CDH12: variants seen among roughly 807,000 people sequenced by gnomAD.
The protein encoded by CDH12 is cadherin 12.
In CDH12, 41 loss-of-function variants were observed where a neutral mutation model predicts 74.1. The observed-to-expected ratio is 0.55, with a 90% CI of 0.43 to 0.72. The LOEUF (loss-of-function observed/expected upper bound fraction) is 0.72, where lower values mean the gene tolerates loss of function less well. Ranked by LOEUF, CDH12 falls within the 30% of genes least tolerant of loss-of-function variation. CDH12 has a pLI of 0.00. For missense variants in CDH12, 945 were observed against 977.2 expected (o/e 0.97, Z 0.44); for synonymous variants, 399 against 355.0 (o/e 1.12, Z -1.39).
At chr5:22,509,260 C>A (rs1736508824) in intron 1 of CDH12, among the ~76,000 whole-genome samples, 1 of 152,140 alleles carries the variant, frequency 6.6e-6, no homozygotes, top group Non-Finnish European at 1.5e-5. Context: ...TACTGATAAC[C>A]TGCAATTATG....
intron 1 of CDH12, among the ~76,000 whole-genome samples, chr5:22,520,698 T>C (rs1737016781): frequency 6.6e-6 from 1 of 152,176 alleles, no homozygotes; most frequent in African/African-American, 2.4e-5. Context: ...AAAGTATCAC[T>C]CTTCAGTGAT....
intron 5 of CDH12, among the ~76,000 whole-genome samples, chr5:22,039,269 T>C (rs911748846): frequency 2.0e-5 from 3 of 152,010 alleles, no homozygotes; most frequent in Non-Finnish European, 4.4e-5. Flanking sequence ...GAGTACCTCT[T>C]CTTCTCCAGA....
intron 2 of CDH12, among the ~76,000 whole-genome samples, chr5:22,432,037 T>C (rs1184314695): frequency 1.3e-5 from 2 of 152,156 alleles, no homozygotes; most frequent in African/African-American, 2.4e-5. Context: ...GCGTTCAAAC[T>C]CATGGTGAGT....
chr5:22,462,630 T>G (rs1175400664), intron 2 of CDH12, among the ~76,000 whole-genome samples: 1 of 151,592 alleles, frequency 6.6e-6, no homozygotes, highest in African/African-American at 2.4e-5. Context: ...GACAGTAACA[T>G]GAAAATTGAA....
At chr5:22,380,640 A>G (rs1741721900) in intron 3 of CDH12, among the ~76,000 whole-genome samples, 1 of 152,124 alleles carries the variant, frequency 6.6e-6, no homozygotes, top group Non-Finnish European at 1.5e-5. Context: ...GTTTATTACA[A>G]TTACTAAATC....
chr5:22,415,835 A>G (rs1743359756), intron 2 of CDH12, among the ~76,000 whole-genome samples: 1 of 152,134 alleles, frequency 6.6e-6, no homozygotes, highest in Non-Finnish European at 1.5e-5. Context: ...ATTCAGGATC[A>G]GGTTTTGGTT....
chr5:22,487,971 G>A (rs1159777104), intron 2 of CDH12, among the ~76,000 whole-genome samples: 1 of 152,066 alleles, frequency 6.6e-6, no homozygotes, highest in African/African-American at 2.4e-5. Flanking sequence ...AATGTCAATT[G>A]GTTTTAACAA....
At chr5:21,901,962 C>G (rs1411041801) in intron 6 of CDH12, among the ~76,000 whole-genome samples, 1 of 152,108 alleles carries the variant, frequency 6.6e-6, no homozygotes, top group Non-Finnish European at 1.5e-5. Context: ...GTTCTGCTAG[C>G]CACTGTACGT....
At chr5:22,509,109 T>C (rs1736504175) in intron 1 of CDH12, among the ~76,000 whole-genome samples, 1 of 152,196 alleles carries the variant, frequency 6.6e-6, no homozygotes, top group African/African-American at 2.4e-5. Context: ...AGCAGAAATA[T>C]ATACACACAA....
At chr5:22,702,531 C>T (rs1044864699) in intron 1 of CDH12, among the ~76,000 whole-genome samples, 1 of 152,038 alleles carries the variant, frequency 6.6e-6, no homozygotes, top group African/African-American at 2.4e-5. Flanking sequence ...ATCTCTTCCT[C>T]TCTCTTCCCC....
rs139461263 is a variant in CDH12, at chr5:22,047,644, G to A, written c.231+30802C>T. 4.0e-3 allele frequency among the ~76,000 whole-genome samples: 607 copies of A among 152,096 alleles called. 8 individuals are homozygous for A. The highest frequency in any genetic ancestry group is 0.014 in the Middle Eastern group (4 of 294). On this transcript the variant is annotated intron_variant, in intron 5 of 14. Coordinates refer to ENST00000382254, the MANE Select transcript of CDH12 (RefSeq NM_004061.5). ...GAATTCCTAACACATGAAGGTGCTGGCATCTACTTCCAGTTTTTACCTACC... is the reference window on the plus strand; with the variant it reads ...GAATTCCTAACACATGAAGGTGCTGACATCTACTTCCAGTTTTTACCTACC...
chr5:22,832,619 T>A (rs1382500413), intron 1 of CDH12, among the ~76,000 whole-genome samples: 2 of 152,086 alleles, frequency 1.3e-5, no homozygotes, highest in Admixed American at 1.3e-4. Flanking sequence ...AAGAAGTATT[T>A]TAAAAGTTTA....
chr5:21,964,948 C>T (rs1157964658), intron 6 of CDH12, among the ~76,000 whole-genome samples: 2 of 151,768 alleles, frequency 1.3e-5, no homozygotes, highest in African/African-American at 4.8e-5. Context: ...TTAAAATATC[C>T]ATTCTGACTA....
chr5:22,587,309 T>C (rs1181798615), intron 1 of CDH12, among the ~76,000 whole-genome samples: 3 of 152,104 alleles, frequency 2.0e-5, no homozygotes, highest in Non-Finnish European at 4.4e-5. Flanking sequence ...CTAGATCCAG[T>C]CACCTCGACC....
chr5:21,867,520 G>T (rs1355267092), intron 6 of CDH12, among the ~76,000 whole-genome samples: 1 of 152,214 alleles, frequency 6.6e-6, no homozygotes, highest in Non-Finnish European at 1.5e-5. Context: ...TGACCTGGAT[G>T]TGAGACATGT....
At chr5:22,627,862 C>A (rs1189976831) in intron 1 of CDH12, among the ~76,000 whole-genome samples, 1 of 151,756 alleles carries the variant, frequency 6.6e-6, no homozygotes, top group Non-Finnish European at 1.5e-5. Flanking sequence ...CAATTGACAC[C>A]CACAGGCTAA....
At chr5:22,348,854 C>A (rs745358693) in intron 3 of CDH12, among the ~76,000 whole-genome samples, 7 of 152,106 alleles carry the variant, frequency 4.6e-5, no homozygotes, top group Non-Finnish European at 8.8e-5. Context: ...CCAGTGATGG[C>A]AATACAGGGA....
chr5:22,565,032 T>A (rs1739225674), intron 1 of CDH12, among the ~76,000 whole-genome samples: 1 of 151,964 alleles, frequency 6.6e-6, no homozygotes, highest in Admixed American at 6.6e-5. Context: ...ACATCCTGGG[T>A]TTAAGTGACT....
chr5:21,944,232 C>T (rs1223446972), intron 6 of CDH12, among the ~76,000 whole-genome samples: 1 of 152,082 alleles, frequency 6.6e-6, no homozygotes, highest in African/African-American at 2.4e-5. Context: ...GTTTAGTGCT[C>T]CTATGTATTT....
Sources: allele counts gnomAD v4.1 joint callset (sites outside exome capture counted in the v4.1 genomes callset), GRCh38; gene constraint gnomAD v4.1.1; transcripts MANE v1.5; gene names NCBI Gene and HGNC (gene_info 2026-07-23, HGNC 2026-07-21).